Variants in RAB2A observed in about 807,000 individuals in gnomAD.
The protein encoded by RAB2A is ras-related protein Rab-2A.
Under a neutral mutation model 32.5 loss-of-function variants are expected in RAB2A, and 7 were observed. The observed-to-expected ratio is 0.22, with a 90% CI of 0.12 to 0.40. The LOEUF is 0.40. Ranked by LOEUF, RAB2A falls within the 10% of genes least tolerant of loss-of-function variation. The pLI is 1.00. For missense variants in RAB2A, 108 were observed against 260.7 expected, an observed-to-expected ratio of 0.41 and a Z score of 4.03; for synonymous variants, 79 against 85.2, an observed-to-expected ratio of 0.93 and a Z score of 0.40.
intron 1 of RAB2A, among the ~76,000 whole-genome samples, chr8:60,550,181 C>T (rs1036247608): frequency 2.0e-5 from 3 of 152,204 alleles, no homozygotes; most frequent in Non-Finnish European, 4.4e-5. Flanking sequence ...CTACATCTCC[C>T]ATCTCACTGA....
chr8:60,531,327 A>C (rs1445289031), intron 1 of RAB2A, among the ~76,000 whole-genome samples: 1 of 152,214 alleles, frequency 6.6e-6, no homozygotes, highest in African/African-American at 2.4e-5. Flanking sequence ...GCATATCTCG[A>C]TTAATGTGGT....
chr8:60,520,327 A>G (rs1807282193), intron 1 of RAB2A, among the ~76,000 whole-genome samples: 2 of 152,206 alleles, frequency 1.3e-5, no homozygotes, highest in South Asian at 4.1e-4. Context: ...TTGTTTCTGA[A>G]TCATTTAGTA....
chr8:60,578,519 T>C (rs935238863), intron 3 of RAB2A, among the ~76,000 whole-genome samples: 1 of 152,112 alleles, frequency 6.6e-6, no homozygotes, highest in African/African-American at 2.4e-5. Context: ...GCAGGAATTT[T>C]CAGACTATAG....
At chr8:60,589,686 A>C (rs929628273) in intron 5 of RAB2A, among the ~76,000 whole-genome samples, 2 of 152,206 alleles carry the variant, frequency 1.3e-5, no homozygotes, top group South Asian at 2.1e-4. Flanking sequence ...ATTCAGAGGG[A>C]GTGAACTAAG....
chr8:60,565,296 G>T (rs995268432), intron 2 of RAB2A, among the ~76,000 whole-genome samples: 10 of 151,876 alleles, frequency 6.6e-5, no homozygotes, highest in Admixed American at 5.3e-4. Context: ...GCACACACCT[G>T]TAGCCCCAGC....
intron 1 of RAB2A, among the ~76,000 whole-genome samples, chr8:60,517,457 G>C (rs1807224222): frequency 6.6e-6 from 1 of 152,118 alleles, no homozygotes. Context: ...TGCGGCCCCC[G>C]ACCCGGCCAG....
chr8:60,590,013 G>A (rs1337864732), intron 5 of RAB2A, among the ~76,000 whole-genome samples: 1 of 151,662 alleles, frequency 6.6e-6, no homozygotes, highest in African/African-American at 2.4e-5. Context: ...CCAGGCTGGA[G>A]TGCAGTGGCG....
chr8:60,530,709 T>C (rs1362892256), intron 1 of RAB2A, among the ~76,000 whole-genome samples: 1 of 152,218 alleles, frequency 6.6e-6, no homozygotes, highest in East Asian at 1.9e-4. Context: ...ATATGTATTG[T>C]AATCACTGAT....
chr8:60,517,554 G>A (rs1218258858), intron 1 of RAB2A, among the ~76,000 whole-genome samples: 2 of 152,066 alleles, frequency 1.3e-5, no homozygotes, highest in African/African-American at 2.4e-5. Flanking sequence ...CAGGGCCGCC[G>A]GGGCCCGACT....
At chr8:60,558,957 A>G in intron 2 of RAB2A, 34 bp downstream of exon 2, 1 of 1,477,176 alleles carries the variant, frequency 6.8e-7, no homozygotes, top group Non-Finnish European at 9.4e-7. Context: ...AAGCACTAAA[A>G]GTTTTGGATA....
intron 1 of RAB2A, among the ~76,000 whole-genome samples, chr8:60,518,481 C>A (rs1019093282): frequency 1.3e-5 from 2 of 151,428 alleles, no homozygotes; most frequent in African/African-American, 2.4e-5. Flanking sequence ...CGTGGTGAAA[C>A]CCCGTCTCTA....
intron 6 of RAB2A, among the ~76,000 whole-genome samples, chr8:60,618,210 TC>T (rs1349122829): frequency 1.3e-5 from 2 of 152,240 alleles, no homozygotes; most frequent in Non-Finnish European, 1.5e-5. Context: ...TTGTTCTTAA[TC>T]TTAGGGGAAA....
At position 60,584,228 on chromosome 8, in the gene RAB2A, T is replaced by C; in HGVS notation, c.207T>C (p.Arg69=). The C allele has an allele frequency of 6.2e-7, 1 of 1,608,628 alleles. No individual in the cohort carries two copies. The highest frequency in any genetic ancestry group is 8.5e-7 in the Non-Finnish European group (1 of 1,174,982). The change falls in exon 4 of 8, where the codon CGT becomes CGC. Residue 69 remains arginine (R), a synonymous_variant. Coordinates refer to ENST00000262646, the MANE Select transcript of RAB2A (RefSeq NM_002865.3). ...IWDTAGQESF[R]SITRSYYRGA... ...TACAGGCAGGGCAAGAATCCTTTCG[T>C]TCCATCACAAGGTCGTATTACAGAG...
At chr8:60,613,570 A>G (rs1212408990) in intron 6 of RAB2A, among the ~76,000 whole-genome samples, 1 of 152,234 alleles carries the variant, frequency 6.6e-6, no homozygotes, top group Non-Finnish European at 1.5e-5. Flanking sequence ...TTCCAGAGCA[A>G]CACAGCTGGT....
At chr8:60,583,824 G>T (rs1803804485) in intron 3 of RAB2A, among the ~76,000 whole-genome samples, 1 of 152,180 alleles carries the variant, frequency 6.6e-6, no homozygotes, top group South Asian at 2.1e-4. Context: ...CAAATGTGAG[G>T]CTCTGGGTTA....
At chr8:60,523,490 C>T (rs912559748) in intron 1 of RAB2A, among the ~76,000 whole-genome samples, 1 of 152,138 alleles carries the variant, frequency 6.6e-6, no homozygotes, top group Non-Finnish European at 1.5e-5. Context: ...GTCTCTTTCT[C>T]AACCAGTTTT....
At chr8:60,538,312 T>C (rs2130815095) in intron 1 of RAB2A, among the ~76,000 whole-genome samples, 1 of 152,342 alleles carries the variant, frequency 6.6e-6, no homozygotes, top group East Asian at 1.9e-4. Flanking sequence ...CAAATTAAAT[T>C]TGGCTTATCT....
intron 3 of RAB2A, among the ~76,000 whole-genome samples, chr8:60,573,896 C>T (rs1808231261): frequency 6.6e-6 from 1 of 152,228 alleles, no homozygotes; most frequent in African/African-American, 2.4e-5. Context: ...AGTCCTCCCA[C>T]TTCAGTCTCC....
chr8:60,523,293 G>A (rs992332211), intron 1 of RAB2A, among the ~76,000 whole-genome samples: 3 of 151,988 alleles, frequency 2.0e-5, no homozygotes, highest in African/African-American at 7.2e-5. Context: ...GAATAGCTGG[G>A]ACTACAGGCG....
Sources: allele counts gnomAD v4.1 joint callset (sites outside exome capture counted in the v4.1 genomes callset), GRCh38; gene constraint gnomAD v4.1.1; transcripts MANE v1.5; gene names NCBI Gene and HGNC (gene_info 2026-07-23, HGNC 2026-07-21).